Variants in DGKI observed in about 807,000 individuals in gnomAD.
DGKI encodes the protein DAG kinase iota.
A neutral mutation model predicts 147.5 loss-of-function variants in DGKI; 55 were observed. The ratio of observed to expected loss-of-function variants is 0.37; its 90% confidence interval spans 0.30 to 0.47. The LOEUF (loss-of-function observed/expected upper bound fraction) is 0.47. Ranked by LOEUF, DGKI falls within the 20% of genes least tolerant of loss-of-function variation. DGKI has a pLI of 1.00. For synonymous variants in DGKI, 469 were observed against 477.1 expected (o/e 0.98, Z 0.22); for missense variants, 1,007 against 1,323.8 (o/e 0.76, Z 3.71).
intron 4 of DGKI, among the ~76,000 whole-genome samples, chr7:137,656,241 TC>T (rs1432398994): frequency 1.3e-5 from 2 of 152,190 alleles, no homozygotes; most frequent in Non-Finnish European, 2.9e-5. Flanking sequence ...TTCTTCCTTT[TC>T]CCAAGAGTCA....
intron 1 of DGKI, among the ~76,000 whole-genome samples, chr7:137,724,793 G>A (rs761685331): frequency 1.1e-4 from 17 of 152,102 alleles, no homozygotes; most frequent in Non-Finnish European, 2.5e-4. Context: ...GGGGAGGCAA[G>A]CACTAGAGAT....
intron 7 of DGKI, among the ~76,000 whole-genome samples, chr7:137,622,335 T>C (rs932838638): frequency 6.6e-6 from 1 of 152,228 alleles, no homozygotes; most frequent in African/African-American, 2.4e-5. Context: ...TAGCGTGATG[T>C]GTGTAGTGGC....
chr7:137,508,523 G>A (rs778899519), intron 21 of DGKI, among the ~76,000 whole-genome samples: 26 of 152,006 alleles, frequency 1.7e-4, no homozygotes, highest in Non-Finnish European at 3.7e-4. Flanking sequence ...ACCATGCCCG[G>A]CCGACAGGTT....
chr7:137,680,173 A>T (rs1274412662), intron 2 of DGKI, among the ~76,000 whole-genome samples: 1 of 152,016 alleles, frequency 6.6e-6, no homozygotes, highest in Non-Finnish European at 1.5e-5. Context: ...GGAAAAAGCC[A>T]TGTGAGCACA....
chr7:137,739,917 G>A (rs1200707849), intron 1 of DGKI, among the ~76,000 whole-genome samples: 8 of 152,166 alleles, frequency 5.3e-5, no homozygotes, highest in African/African-American at 1.9e-4. Context: ...GAGAACTACT[G>A]TTGGTTGAAC....
chr7:137,582,430 C>CTA (rs1190462603), intron 14 of DGKI, among the ~76,000 whole-genome samples: 5 of 150,326 alleles, frequency 3.3e-5, no homozygotes, highest in African/African-American at 1.2e-4. Context: ...CTCTCTCTCT[C>CTA]TCTCTATATA....
intron 17 of DGKI, among the ~76,000 whole-genome samples, chr7:137,576,333 T>C (rs1306703317): frequency 6.6e-6 from 1 of 152,068 alleles, no homozygotes; most frequent in Admixed American, 6.6e-5. Context: ...CCACCGCGCC[T>C]GGCCCATCAA....
At chr7:137,452,652 TC>T (rs1228147535) in intron 27 of DGKI, among the ~76,000 whole-genome samples, 3 of 152,292 alleles carry the variant, frequency 2.0e-5, no homozygotes, top group African/African-American at 7.2e-5. Flanking sequence ...AAGACCACTT[TC>T]TATAAACATC....
intron 32 of DGKI, among the ~76,000 whole-genome samples, chr7:137,395,159 C>A (rs1181388053): frequency 2.0e-5 from 3 of 152,170 alleles, no homozygotes; most frequent in Admixed American, 6.5e-5. Context: ...GAAAGAATCC[C>A]TTTGGCACCC....
chr7:137,648,576 C>T (rs1036056538), intron 5 of DGKI, among the ~76,000 whole-genome samples: 1 of 152,176 alleles, frequency 6.6e-6, no homozygotes, highest in African/African-American at 2.4e-5. Context: ...GATGAATGGG[C>T]AGGTAGTGGA....
chr7:137,699,306 G>A (rs1823898251), intron 1 of DGKI, among the ~76,000 whole-genome samples: 1 of 152,176 alleles, frequency 6.6e-6, no homozygotes, highest in Admixed American at 6.5e-5. Flanking sequence ...GGATTGAGAG[G>A]GGGCATAAAC....
rs1307369191 is a variant in DGKI, at chr7:137,488,342, G to A, written c.2249-653C>T. ...CCAACTAATTTTAAGGATGGCCAAT[G>A]TAAGAGTGGTAACAGTAGGACCTCA... On this transcript the variant is annotated intron_variant, in intron 21 of 32. Transcript: ENST00000614521. Among the ~76,000 whole-genome samples, 4 of 152,214 alleles carry A rather than the reference G, an allele frequency of 2.6e-5. No individual in the cohort carries two copies. The East Asian group carries it at 5.8e-4, about 22-fold the overall frequency.
chr7:137,755,978 A>G (rs762198133), intron 1 of DGKI, among the ~76,000 whole-genome samples: 10 of 152,212 alleles, frequency 6.6e-5, no homozygotes, highest in Non-Finnish European at 1.5e-4. Flanking sequence ...CAGTCATGGA[A>G]GTTCTTAGGA....
rs754665492 is a variant in DGKI at position 137,487,620 on chromosome 7, C to T, written c.2318G>A (p.Arg773His). Residue 773 changes from arginine (R) to histidine (H), a missense_variant, in exon 22 of 33, where the codon CGC becomes CAC. This residue lies in a region of DGKI where 385 missense variants were observed against 445.2 expected (regional missense o/e 0.86). Transcript: ENST00000614521. Reference protein sequence around the residue: ...DLETCRMYIDRLQEDLQSVSS... With the variant: ...DLETCRMYIDHLQEDLQSVSS... ...GCTAAATAAACTCACCTCCTGTAGG[C>T]GGTCTATGTACATACGGCAAGTCTC... 8.1e-6 allele frequency: 13 copies of T among 1,613,376 alleles called. No individual in the cohort carries two copies. Among genetic ancestry groups the T allele is most frequent in the South Asian group, 1.1e-5 (1 of 91,056 alleles).
At chr7:137,587,034 C>T in intron 13 of DGKI, 63 bp downstream of exon 13, 5 of 1,201,546 alleles carry the variant, frequency 4.2e-6, no homozygotes, top group Non-Finnish European at 5.7e-6. Flanking sequence ...ATTAGAACAT[C>T]AGTGGATCTG....
chr7:137,429,836 A>C (rs1812987912), intron 28 of DGKI, among the ~76,000 whole-genome samples: 2 of 127,192 alleles, frequency 1.6e-5, no homozygotes, highest in African/African-American at 3.0e-5. Context: ...GAGAAATGCA[A>C]ATCAAAACCA....
Position 137,471,765 on chromosome 7 carries a change from T to C in DGKI, c.2374-2146A>G, listed in dbSNP as rs75592028. Reference sequence around the variant, plus strand: ...ATTGATAGAGGAAAAAATGGTCTCATTCAGGAATGCTACCAAAATCTATAT... The same window carrying C: ...ATTGATAGAGGAAAAAATGGTCTCACTCAGGAATGCTACCAAAATCTATAT... On this transcript the variant is annotated intron_variant, in intron 23 of 32. Coordinates refer to ENST00000614521, the MANE Select transcript of DGKI (RefSeq NM_001321708.2). 2.4e-3 allele frequency among the ~76,000 whole-genome samples: 365 copies of C among 151,554 alleles called. 12 individuals are homozygous for C. The East Asian group carries it at 0.053, about 22-fold the overall frequency.
intron 1 of DGKI, among the ~76,000 whole-genome samples, chr7:137,795,284 T>C (rs549005214): frequency 6.6e-6 from 1 of 152,302 alleles, no homozygotes; most frequent in Admixed American, 6.5e-5. Context: ...TTTAGAAAGA[T>C]GGTAGCTGTG....
intron 23 of DGKI, among the ~76,000 whole-genome samples, chr7:137,484,158 A>G (rs2128934951): frequency 6.6e-6 from 1 of 152,218 alleles, no homozygotes; most frequent in African/African-American, 2.4e-5. Context: ...ATAAATACAC[A>G]AATAAGAACA....
Sources: gnomAD v4.1 joint callset for allele counts (sites outside exome capture counted in the v4.1 genomes callset) on GRCh38, gnomAD v4.1.1 for gene constraint, gnomAD v4.1.1 regional missense constraint, MANE v1.5 for transcripts, NCBI Gene and HGNC (gene_info 2026-07-23, HGNC 2026-07-21) for gene names.